The following GATAD2A variants were observed in gnomAD, a reference collection of about 807,000 sequenced individuals.
GATAD2A encodes transcriptional repressor p66-alpha.
GATAD2A carries 12 observed loss-of-function variants against 68.5 expected under a neutral mutation model. The observed-to-expected ratio is 0.18, with a 90% CI of 0.11 to 0.28. The LOEUF (loss-of-function observed/expected upper bound fraction) is 0.28. Among genes scored for constraint, GATAD2A ranks in the 10% least tolerant of loss-of-function variants. The pLI, the probability that GATAD2A is intolerant of heterozygous loss-of-function variation, is 1.00. For missense variants in GATAD2A, 755 were observed against 868.5 expected (o/e 0.87, Z 1.64); for synonymous variants, 410 against 375.3 (o/e 1.09, Z -1.07).
At chr19:19,414,264 C>T (rs1437118027) in intron 1 of GATAD2A, among the ~76,000 whole-genome samples, 27 of 152,098 alleles carry the variant, frequency 1.8e-4, no homozygotes, top group Admixed American at 1.7e-3. Context: ...GAGGATTCTA[C>T]CTGGGACTTT....
At chr19:19,391,033 C>CG (rs1651072359) in intron 1 of GATAD2A, among the ~76,000 whole-genome samples, 3 of 151,654 alleles carry the variant, frequency 2.0e-5, no homozygotes, top group African/African-American at 7.3e-5. Context: ...GGGCAGGGGT[C>CG]GGGGGGCAGT....
At position 19,391,615 on chromosome 19, in the gene GATAD2A, A is replaced by G. The variant is rs542086104; in HGVS notation, c.-7+5477A>G. The stretch of plus-strand genomic sequence containing the variant: ...GGGGCCACCACCAAGTCTCTATCTA[A>G]CAGGAAGTTTTTTAAACTTGTTTTT... On this transcript the variant is annotated intron_variant, in intron 1 of 11. Transcript: ENST00000360315. 2.0e-5 allele frequency among the ~76,000 whole-genome samples: 3 copies of G among 152,298 alleles called. No homozygotes were observed. The East Asian group carries it at 5.8e-4, about 29-fold the overall frequency.
chr19:19,402,812 C>A (rs1167137123), upstream of GATAD2A, among the ~76,000 whole-genome samples: 1 of 126,736 alleles, frequency 7.9e-6, no homozygotes, highest in African/African-American at 3.1e-5. Flanking sequence ...CTGGCTCTGT[C>A]GGCCAGGCTG....
intron 1 of GATAD2A, among the ~76,000 whole-genome samples, chr19:19,424,785 G>A (rs78619620): frequency 6.6e-6 from 1 of 152,132 alleles, no homozygotes; most frequent in Non-Finnish European, 1.5e-5. Flanking sequence ...CCAGGAGGTT[G>A]CCCATATGAC....
rs2059876440 is a variant in GATAD2A, at chr19:19,492,616, G to T, written c.438G>T (p.Lys146Asn). Residue 146 changes from lysine (K) to asparagine (N), a missense_variant, in exon 4 of 12, where the codon AAG becomes AAT. Transcript: ENST00000683918. ...CTGAAGAACGAGAAAGGATGATCAA[G>T]CAGCTGAAGGAAGAATTGAGGTTAG... is the stretch of plus-strand genomic sequence containing the variant. ...SSPEERERMIKQLKEELRLEE... is the reference protein window; with the variant it reads ...SSPEERERMINQLKEELRLEE... 6.2e-7 allele frequency: 1 copy of T among 1,614,082 alleles called. No individual in the cohort carries two copies. Among genetic ancestry groups the T allele is most frequent in the African/African-American group, 1.3e-5 (1 of 74,944 alleles).
intron 1 of GATAD2A, among the ~76,000 whole-genome samples, chr19:19,408,004 T>G (rs2050474680): frequency 6.6e-6 from 1 of 152,144 alleles, no homozygotes; most frequent in African/African-American, 2.4e-5. Context: ...GTGTGTTTTG[T>G]TTGTTTGTTT....
intron 1 of GATAD2A, among the ~76,000 whole-genome samples, chr19:19,462,346 T>G (rs2057507450): frequency 6.6e-6 from 1 of 152,198 alleles, no homozygotes; most frequent in African/African-American, 2.4e-5. Flanking sequence ...TCATTGGTCT[T>G]GGCAGTGGAG....
At chr19:19,468,459 C>T (rs2058040921) in intron 2 of GATAD2A, among the ~76,000 whole-genome samples, 1 of 152,164 alleles carries the variant, frequency 6.6e-6, no homozygotes, top group South Asian at 2.1e-4. Context: ...ATCCAGGAAT[C>T]CCAACAAACC....
At chr19:19,484,361 A>G (rs1449165413) in intron 2 of GATAD2A, among the ~76,000 whole-genome samples, 1 of 152,088 alleles carries the variant, frequency 6.6e-6, no homozygotes, top group Non-Finnish European at 1.5e-5. Flanking sequence ...ACTGGAGCCC[A>G]GGAGTTCCAG....
intron 1 of GATAD2A, among the ~76,000 whole-genome samples, chr19:19,436,398 C>A (rs2054350127): frequency 6.6e-6 from 1 of 152,200 alleles, no homozygotes; most frequent in African/African-American, 2.4e-5. Flanking sequence ...CCTGGCCCGT[C>A]CCTTCAGGCC....
chr19:19,430,976 G>GTGTGTGTGT (rs1555699848), intron 1 of GATAD2A, among the ~76,000 whole-genome samples: 10 of 136,694 alleles, frequency 7.3e-5, no homozygotes, highest in African/African-American at 2.5e-4. Flanking sequence ...GTATGGTAGG[G>GTGTGTGTGT]GTGTGTGTGT....
At chr19:19,477,458 A>G (rs527633757) in intron 2 of GATAD2A, among the ~76,000 whole-genome samples, 2 of 152,292 alleles carry the variant, frequency 1.3e-5, no homozygotes, top group Non-Finnish European at 1.5e-5. Flanking sequence ...GAGAGCCATC[A>G]GTCCAGGCCT....
intron 1 of GATAD2A, among the ~76,000 whole-genome samples, chr19:19,398,049 A>G (rs939677254): frequency 5.9e-5 from 9 of 151,742 alleles, no homozygotes; most frequent in African/African-American, 1.9e-4. Context: ...GATTACAGGC[A>G]TGCGCCACCA....
At chr19:19,478,909 C>CT (rs1337218702) in intron 2 of GATAD2A, among the ~76,000 whole-genome samples, 1 of 152,086 alleles carries the variant, frequency 6.6e-6, no homozygotes, top group African/African-American at 2.4e-5. Flanking sequence ...TATTAAAAAT[C>CT]TATTTTGCAA....
intron 1 of GATAD2A, among the ~76,000 whole-genome samples, chr19:19,451,274 G>C (rs1475768756): frequency 6.6e-6 from 1 of 151,986 alleles, no homozygotes; most frequent in Non-Finnish European, 1.5e-5. Context: ...CCAGCTACTT[G>C]GGAGGCTGAG....
rs1298055264 is a variant in GATAD2A at position 19,391,200 on chromosome 19, G to A, written c.-7+5062G>A. On this transcript the variant is annotated intron_variant, in intron 1 of 11. Coordinates refer to the GATAD2A transcript ENST00000360315. ...GAATAGATGGCATTCTGCCCCTGAC[G>A]GCTAAAACCCAGGAGGAAATAATGG... 6.6e-5 allele frequency among the ~76,000 whole-genome samples: 10 copies of A among 152,174 alleles called. No homozygotes were observed. In the East Asian group the frequency reaches 1.7e-3, roughly 26 times the overall value.
chr19:19,455,529 G>GA (rs926029607), intron 1 of GATAD2A, among the ~76,000 whole-genome samples: 2 of 152,010 alleles, frequency 1.3e-5, no homozygotes, highest in Admixed American at 6.5e-5. Flanking sequence ...GAAAATAATG[G>GA]AAAAAACAAT....
chr19:19,477,924 C>T (rs80192337), intron 2 of GATAD2A, among the ~76,000 whole-genome samples: 1 of 152,312 alleles, frequency 6.6e-6, no homozygotes, highest in African/African-American at 2.4e-5. Flanking sequence ...AGGGCGTCGC[C>T]CGCTTTCTGT....
chr19:19,491,371 C>A (rs1453741291), intron 2 of GATAD2A, among the ~76,000 whole-genome samples: 1 of 152,148 alleles, frequency 6.6e-6, no homozygotes, highest in African/African-American at 2.4e-5. Context: ...GAGGAACAGG[C>A]CTTAGGTCAA....
Sources: allele counts gnomAD v4.1 joint callset (sites outside exome capture counted in the v4.1 genomes callset), GRCh38; gene constraint gnomAD v4.1.1; transcripts MANE v1.5; gene names NCBI Gene and HGNC (gene_info 2026-07-23, HGNC 2026-07-21).